Variants in GABRB2 observed in about 807,000 individuals in gnomAD.
GABRB2 encodes the protein gamma-aminobutyric acid type A receptor subunit beta2.
GABRB2 carries 16 observed loss-of-function variants against 54.7 expected under a neutral mutation model. The observed-to-expected ratio is 0.29, with a 90% CI of 0.20 to 0.44. The LOEUF (loss-of-function observed/expected upper bound fraction) is 0.44. Ranked by LOEUF, GABRB2 falls within the 20% of genes least tolerant of loss-of-function variation. The pLI is 1.00. For missense variants in GABRB2, 355 were observed against 644.0 expected (o/e 0.55, Z 4.86); for synonymous variants, 244 against 233.8 (o/e 1.04, Z -0.40).
chr5:161,385,329 C>G (rs913587043), intron 5 of GABRB2, among the ~76,000 whole-genome samples: 1 of 152,200 alleles, frequency 6.6e-6, no homozygotes, highest in African/African-American at 2.4e-5. Flanking sequence ...CACCGTGAAA[C>G]TTTTTGCAGC....
At chr5:161,327,696 T>A (rs559832965) in intron 8 of GABRB2, among the ~76,000 whole-genome samples, 34 of 152,216 alleles carry the variant, frequency 2.2e-4, no homozygotes, top group Non-Finnish European at 4.7e-4. Flanking sequence ...CTCCCTGACC[T>A]CAGGACAGAG....
chr5:161,370,058 A>T (rs1755088940), intron 5 of GABRB2, among the ~76,000 whole-genome samples: 1 of 152,166 alleles, frequency 6.6e-6, no homozygotes, highest in Admixed American at 6.5e-5. Flanking sequence ...CAGTATGATG[A>T]AACTTTCAGC....
At chr5:161,308,100 AT>A (rs1757753723) in intron 9 of GABRB2, among the ~76,000 whole-genome samples, 1 of 152,004 alleles carries the variant, frequency 6.6e-6, no homozygotes, top group African/African-American at 2.4e-5. Flanking sequence ...TGACCTCGTG[AT>A]CTGCCCGCCT....
intron 5 of GABRB2, among the ~76,000 whole-genome samples, chr5:161,406,576 A>G (rs1756353875): frequency 6.6e-6 from 1 of 152,028 alleles, no homozygotes; most frequent in African/African-American, 2.4e-5. Context: ...TCTACCATGG[A>G]CCAAAGCAAT....
chr5:161,309,822 G>A (rs183306274), intron 9 of GABRB2, among the ~76,000 whole-genome samples: 125 of 151,960 alleles, frequency 8.2e-4, no homozygotes, highest in African/African-American at 2.8e-3. Context: ...TAGTAGAGAC[G>A]GGGTTTCACC....
intron 3 of GABRB2, among the ~76,000 whole-genome samples, chr5:161,487,219 C>T (rs1178687964): frequency 3.3e-5 from 5 of 151,842 alleles, no homozygotes; most frequent in African/African-American, 4.8e-5. Flanking sequence ...AATCATTCTA[C>T]GTTTTGGTAT....
rs373905764 is a variant in GABRB2, at chr5:161,326,405, G to C, written c.1154C>G (p.Thr385Ser). 1.4e-5 allele frequency: 22 copies of C among 1,613,604 alleles called. No individual in the cohort carries two copies. Among genetic ancestry groups the C allele is most frequent in the Non-Finnish European group, 1.9e-5 (22 of 1,179,698 alleles). ...GAAATCGTAATTGGTAGTCCGTCTA[G>C]TTGGGGAGAGGTTTCCAGTAGGGTC... ...LWDPTGNLSP[T>S]RRTTNYDFSL... Residue 385 changes from threonine to serine, a missense_variant, in exon 9 of 10, where the codon ACT (threonine) becomes AGT (serine). By Grantham distance (58) the Thr-to-Ser change is moderately conservative. Coordinates refer to ENST00000393959, the MANE Select transcript of GABRB2 (RefSeq NM_001371727.1).
At chr5:161,417,540 T>C (rs180786498) in intron 4 of GABRB2, among the ~76,000 whole-genome samples, 11 of 152,340 alleles carry the variant, frequency 7.2e-5, no homozygotes, top group Admixed American at 5.2e-4. Flanking sequence ...ATTTAGCTTC[T>C]CTGGAGGATT....
chr5:161,435,211 T>A (rs1217166853), intron 4 of GABRB2, among the ~76,000 whole-genome samples: 1 of 152,108 alleles, frequency 6.6e-6, no homozygotes, highest in East Asian at 1.9e-4. Context: ...CAAGAAGGTA[T>A]CAATGAGAAC....
intron 3 of GABRB2, among the ~76,000 whole-genome samples, chr5:161,481,609 C>T (rs968901793): frequency 4.6e-5 from 7 of 151,926 alleles, no homozygotes; most frequent in African/African-American, 1.2e-4. Context: ...TAGCCTCATC[C>T]AGAGCAGAAG....
intron 9 of GABRB2, among the ~76,000 whole-genome samples, chr5:161,310,056 G>A (rs1447783004): frequency 6.6e-6 from 1 of 152,174 alleles, no homozygotes; most frequent in African/African-American, 2.4e-5. Context: ...GCAAACTAAT[G>A]CAAGAACAGA....
intron 3 of GABRB2, among the ~76,000 whole-genome samples, chr5:161,527,468 A>T (rs894260322): frequency 6.6e-6 from 1 of 151,540 alleles, no homozygotes; most frequent in Admixed American, 6.6e-5. Context: ...ATCAAAAATC[A>T]TAAAGTAAGA....
intron 4 of GABRB2, among the ~76,000 whole-genome samples, chr5:161,415,922 T>TTTTTG (rs10525407): frequency 0.25 from 36,264 of 145,894 alleles, 6,905 homozygotes; most frequent in African/African-American, 0.53. Context: ...CCCAAGTTTG[T>TTTTTG]TTTTGTTTTG....
chr5:161,455,615 C>T (rs1321256158), intron 4 of GABRB2, among the ~76,000 whole-genome samples: 2 of 151,548 alleles, frequency 1.3e-5, no homozygotes, highest in East Asian at 1.9e-4. Context: ...TTGCAACATC[C>T]GCCTCCTGGG....
At chr5:161,307,756 C>T (rs252970) in intron 9 of GABRB2, among the ~76,000 whole-genome samples, 18,103 of 151,864 alleles carry the variant, frequency 0.12, 1,182 homozygotes, top group Non-Finnish European at 0.14. Context: ...TTTTGTTAGA[C>T]GTGTAACAAA....
chr5:161,390,711 T>A (rs986128847), intron 5 of GABRB2, among the ~76,000 whole-genome samples: 1 of 152,106 alleles, frequency 6.6e-6, no homozygotes, highest in Non-Finnish European at 1.5e-5. Flanking sequence ...TTTAAAAAAA[T>A]AGGTGAAATC....
At chr5:161,541,288 G>A (rs1054196812) in intron 3 of GABRB2, among the ~76,000 whole-genome samples, 4 of 151,984 alleles carry the variant, frequency 2.6e-5, no homozygotes, top group Non-Finnish European at 4.4e-5. Flanking sequence ...AGCACAGGCC[G>A]AGTAGATTTA....
chr5:161,510,594 C>T lies in GABRB2; in HGVS notation c.237+34633G>A, dbSNP rs964746358. ...ATTTGTGAATTTTAATTATTGAAGC[C>T]TAGGTTTTCACTATGGCCTTGAGGA... On this transcript the variant is annotated intron_variant, in intron 3 of 9. Coordinates refer to ENST00000393959, the MANE Select transcript of GABRB2 (RefSeq NM_001371727.1). Among the ~76,000 whole-genome samples the T allele has an allele frequency of 1.4e-4, 22 of 151,854 alleles. No homozygotes were observed. The South Asian group carries it at 2.9e-3, about 20-fold the overall frequency.
intron 9 of GABRB2, among the ~76,000 whole-genome samples, chr5:161,310,666 C>T (rs568574523): frequency 6.6e-4 from 84 of 126,930 alleles, no homozygotes; most frequent in African/African-American, 5.4e-4. Context: ...TGCACACGCA[C>T]GCGCACGCGC....
Sources: allele counts gnomAD v4.1 joint callset (sites outside exome capture counted in the v4.1 genomes callset), GRCh38; gene constraint gnomAD v4.1.1; transcripts MANE v1.5; gene names NCBI Gene and HGNC (gene_info 2026-07-23, HGNC 2026-07-21).